The following XYLB variants were observed in gnomAD, a reference collection of about 807,000 sequenced individuals.
The protein encoded by XYLB is xylulose kinase.
XYLB carries 62 observed loss-of-function variants against 78.7 expected under a neutral mutation model. The ratio of observed to expected loss-of-function variants is 0.79; its 90% CI spans 0.64 to 0.97. The LOEUF is 0.97. Among genes scored for constraint, XYLB ranks in the 50% least tolerant of loss-of-function variants. The probability of loss-of-function intolerance (pLI) is 0.00; values close to 1 mark genes in which losing one functional copy is unlikely to be tolerated. For missense variants in XYLB, 687 were observed against 676.8 expected (o/e 1.02, Z -0.17); for synonymous variants, 245 against 247.4 (o/e 0.99, Z 0.09).
intron 12 of XYLB, among the ~76,000 whole-genome samples, chr3:38,375,877 G>T (rs529518876): frequency 1.6e-4 from 25 of 152,248 alleles, no homozygotes; most frequent in African/African-American, 5.8e-4. Context: ...GCTCCTCTGT[G>T]TCAGCCTCCT....
At chr3:38,438,208 C>T in the XYLB span, among the ~76,000 whole-genome samples, 1 of 151,898 alleles carries the variant, frequency 6.6e-6, no homozygotes, top group Non-Finnish European at 1.5e-5. Flanking sequence ...GCCTAGGTGA[C>T]AGAGCAAGAC....
rs769737408 is a variant in XYLB at position 38,375,270 on chromosome 3, G to A, written c.1004+11G>A. 14 of 1,612,832 alleles carry A rather than the reference G, an allele frequency of 8.7e-6. No homozygotes were observed. The African/African-American group carries it at 1.2e-4, about 14-fold the overall frequency. Reference sequence around the variant, plus strand: ...CATGGCACTCCTGTGGTGAGCTTGGGTGTTGGTTGGCACCATTCCCTGGGT... The same window carrying A: ...CATGGCACTCCTGTGGTGAGCTTGGATGTTGGTTGGCACCATTCCCTGGGT... On this transcript the variant is annotated intron_variant, in intron 12 of 18. Coordinates refer to ENST00000207870, the MANE Select transcript of XYLB (RefSeq NM_005108.4).
chr3:38,375,158 C>T lies in XYLB; in HGVS notation c.903C>T (p.Thr301=), dbSNP rs1321158548. ...EEGDIAVSLG[T]SDTLFLWLQE... is the part of the protein sequence containing the mutation. ...TCTCTCCTCAGGTCAGCCTGGGCAC[C>T]AGTGACACCCTGTTTCTCTGGCTCC... Residue 301 remains threonine (T), a synonymous_variant, in exon 12 of 19, where the codon ACC becomes ACT. Coordinates refer to ENST00000207870, the MANE Select transcript of XYLB (RefSeq NM_005108.4). 5.6e-6 allele frequency: 9 copies of T among 1,614,024 alleles called. No individual in the cohort carries two copies. The highest frequency in any genetic ancestry group is 7.6e-6 in the Non-Finnish European group (9 of 1,179,966).
At chr3:38,437,939 G>A in the XYLB span, among the ~76,000 whole-genome samples, 1 of 152,118 alleles carries the variant, frequency 6.6e-6, no homozygotes, top group East Asian at 1.9e-4. Flanking sequence ...GTGTGGTGGT[G>A]TGCACCTGTA....
chr3:38,422,777 A>G (rs1182044995), downstream of XYLB, among the ~76,000 whole-genome samples: 1 of 152,038 alleles, frequency 6.6e-6, no homozygotes, highest in East Asian at 1.9e-4. Context: ...GATACAAGAG[A>G]TGGGGTATGT....
the XYLB span, among the ~76,000 whole-genome samples, chr3:38,436,506 C>T: frequency 2.0e-5 from 3 of 152,102 alleles, no homozygotes; most frequent in Non-Finnish European, 4.4e-5. Context: ...AGAACTAATA[C>T]CAACCCTCCT....
intron 18 of XYLB, 55 bp downstream of exon 18, chr3:38,401,040 G>GA (rs1559613927): frequency 3.9e-6 from 6 of 1,528,424 alleles, no homozygotes; most frequent in Admixed American, 1.7e-5. Context: ...GCCCGCTAGG[G>GA]TTTTTTCCCC....
downstream of XYLB, among the ~76,000 whole-genome samples, chr3:38,426,180 G>A (rs1463003737): frequency 2.0e-5 from 3 of 152,168 alleles, no homozygotes; most frequent in Non-Finnish European, 4.4e-5. Context: ...TAAATAATTG[G>A]CAGAAAAATT....
At chr3:38,363,452 A>ATGCG (rs60112977) in intron 4 of XYLB, among the ~76,000 whole-genome samples, 136,084 of 152,082 alleles carry the variant, frequency 0.89, 61,440 homozygotes, top group East Asian at 1. Flanking sequence ...TTGACTGAGC[A>ATGCG]CTTAGTGCAT....
chr3:38,375,402 C>G (rs1028260307), intron 12 of XYLB, 143 bp downstream of exon 12: 1 of 704,782 alleles, frequency 1.4e-6, no homozygotes, highest in Non-Finnish European at 2.4e-6. Context: ...CAACTGAGAC[C>G]CCCAAGGACT....
At chr3:38,408,429 G>A (rs1708424709) in intron 18 of XYLB, among the ~76,000 whole-genome samples, 1 of 150,294 alleles carries the variant, frequency 6.7e-6, no homozygotes, top group Non-Finnish European at 1.5e-5. Flanking sequence ...ACAAGAGAAA[G>A]CAGGAAAGAT....
At chr3:38,421,829 AGGAGT>A (rs1434399638), downstream of XYLB, among the ~76,000 whole-genome samples, 1 of 152,156 alleles carries the variant, frequency 6.6e-6, no homozygotes, top group Non-Finnish European at 1.5e-5. Context: ...TTTGAAGAAA[AGGAGT>A]GGCCTGACCC....
chr3:38,420,539 A>G (rs1427655650), exon 18 of XYLB, among the ~76,000 whole-genome samples: 1 of 152,164 alleles, frequency 6.6e-6, no homozygotes, highest in Non-Finnish European at 1.5e-5. Context: ...TGTATGTGTT[A>G]TGGTTTTGGT....
chr3:38,371,669 T>C (rs1165460664), intron 9 of XYLB, among the ~76,000 whole-genome samples: 2 of 152,182 alleles, frequency 1.3e-5, no homozygotes, highest in East Asian at 1.9e-4. Flanking sequence ...ATTACAGGTG[T>C]GAACCACCGT....
intron 9 of XYLB, among the ~76,000 whole-genome samples, chr3:38,372,068 A>G (rs1043697511): frequency 1.3e-5 from 2 of 152,216 alleles, no homozygotes; most frequent in African/African-American, 2.4e-5. Context: ...AGGCATTTTC[A>G]TTTGTCACGT....
At chr3:38,369,161 G>T (rs1165052503) in intron 8 of XYLB, among the ~76,000 whole-genome samples, 1 of 152,106 alleles carries the variant, frequency 6.6e-6, no homozygotes, top group Non-Finnish European at 1.5e-5. Flanking sequence ...AGTTTTCGAG[G>T]GCTGTTGTAT....
chr3:38,445,504 G>A, the XYLB span, among the ~76,000 whole-genome samples: 1 of 152,210 alleles, frequency 6.6e-6, no homozygotes, highest in Non-Finnish European at 1.5e-5. Flanking sequence ...TGTCTGACAG[G>A]CATTAGGACC....
intron 8 of XYLB, among the ~76,000 whole-genome samples, 170 bp from the exon 9 acceptor site, chr3:38,369,886 G>A (rs818832): frequency 0.89 from 135,954 of 152,170 alleles, 61,325 homozygotes; most frequent in East Asian, 1. Flanking sequence ...GGCCCCTCTT[G>A]TCTCTGGTTC....
chr3:38,443,607 T>G, the XYLB span, among the ~76,000 whole-genome samples: 1 of 152,136 alleles, frequency 6.6e-6, no homozygotes, highest in African/African-American at 2.4e-5. Flanking sequence ...CTTGGTCCCT[T>G]TTATAGAACA....
Sources: gnomAD v4.1 joint callset for allele counts (sites outside exome capture counted in the v4.1 genomes callset) on GRCh38, gnomAD v4.1.1 for gene constraint, MANE v1.5 for transcripts, NCBI Gene and HGNC (gene_info 2026-07-23, HGNC 2026-07-21) for gene names.